The following DKC1 variants were observed in gnomAD, a reference collection of about 807,000 sequenced individuals.
DKC1 encodes H/ACA ribonucleoprotein complex subunit DKC1.
Under a neutral mutation model 46.7 loss-of-function variants are expected in DKC1, and 4 were observed. The ratio of observed to expected loss-of-function variants is 0.09; its 90% CI spans 0.04 to 0.20. The LOEUF (loss-of-function observed/expected upper bound fraction) is 0.20, where lower values mean the gene tolerates loss of function less well. Among genes scored for constraint, DKC1 ranks in the 10% least tolerant of loss-of-function variants. DKC1 has a pLI of 1.00. For synonymous variants in DKC1, 141 were observed against 142.4 expected, an observed-to-expected ratio of 0.99 and a Z score of 0.07; for missense variants, 171 against 404.2, an observed-to-expected ratio of 0.42 and a Z score of 4.95.
At chrX:154,768,679 T>C (rs1557264543) in intron 8 of DKC1, 2 of 463,627 alleles carry the variant, frequency 4.3e-6, no homozygotes, top group African/African-American at 4.8e-5. Context: ...TGGGGTCTAA[T>C]ACTTCAACGG....
Position 154,776,804 on chromosome X carries a change from T to C in DKC1, c.1482T>C (p.Ser494=), listed in dbSNP as rs2148518000. 1.7e-6 allele frequency: 2 copies of C among 1,207,403 alleles called. No homozygotes were observed. Among genetic ancestry groups the C allele is most frequent in the Non-Finnish European group, 2.2e-6 (2 of 892,860 alleles). ...TTCATTCTCTTTCTTTCTAGGACAGTGATACCACCAAGAAGAAGAAGAAGA... is the reference window on the plus strand; with the variant it reads ...TTCATTCTCTTTCTTTCTAGGACAGCGATACCACCAAGAAGAAGAAGAAGA... The part of the protein sequence containing the change: ...ESGAEPGDGD[S]DTTKKKKKKK... Residue 494 remains serine (S), a synonymous_variant, in exon 15 of 15, where the codon AGT becomes AGC. Coordinates refer to ENST00000369550, the MANE Select transcript of DKC1 (RefSeq NM_001363.5).
chrX:154,771,833 T>C (rs782303190), intron 10 of DKC1, among the ~76,000 whole-genome samples: 2 of 112,316 alleles, frequency 1.8e-5, no homozygotes, highest in East Asian at 5.6e-4. Flanking sequence ...TACTGTGATC[T>C]CTTTGATAAC....
Position 154,768,628 on chromosome X carries a change from T to G in DKC1, c.771+196T>G, listed in dbSNP as rs781911475. 7.1e-6 allele frequency: 4 copies of G among 567,066 alleles called. No individual in the cohort carries two copies. In the African/African-American group the frequency reaches 9.0e-5, roughly 13 times the overall value. 46.7% of individuals were successfully genotyped at this position (567,066 alleles called of 1,213,427 possible). ...AGGGAGATGATTGGGTAGAAAGTAT[T>G]ATTCTATTCATTTGCCTCCCAGCCT... On this transcript the variant is annotated intron_variant, in intron 8 of 14. Transcript: ENST00000369550.
In DKC1 at chrX:154,776,949, G is replaced by T; in HGVS notation, c.*82G>T. 1 of 854,019 alleles carries T rather than the reference G, an allele frequency of 1.2e-6. No individual in the cohort carries two copies. Among genetic ancestry groups the T allele is most frequent in the Non-Finnish European group, 1.7e-6 (1 of 594,645 alleles). The allele number at this position is 854,019 out of a possible 1,213,427, so 70.4% of individuals were successfully genotyped here. A position where few individuals can be genotyped will look rare whatever the true frequency, so the allele number is the denominator to read the frequency against. Reference sequence around the variant, plus strand: ...AGATCCTTTTGTTGCTGAGAGAGTGGAACATAGGTCCTAGACAGGGTGAAG... The same window carrying T: ...AGATCCTTTTGTTGCTGAGAGAGTGTAACATAGGTCCTAGACAGGGTGAAG... On this transcript the variant is annotated 3_prime_UTR_variant, in exon 15 of 15. Coordinates refer to ENST00000369550, the MANE Select transcript of DKC1 (RefSeq NM_001363.5).
intron 8 of DKC1, chrX:154,768,637 C>T (rs2071780741): frequency 5.5e-6 from 3 of 546,597 alleles, no homozygotes; most frequent in Non-Finnish European, 9.5e-6. Flanking sequence ...TTATTCTATT[C>T]ATTTGCCTCC....
intron 1 of DKC1, among the ~76,000 whole-genome samples, chrX:154,763,329 T>C (rs1443715306): frequency 8.9e-6 from 1 of 111,976 alleles, no homozygotes; most frequent in Non-Finnish European, 1.9e-5. Context: ...TACAGCTCCA[T>C]GCGACTAGGG....
At chrX:154,770,647 TC>T in intron 9 of DKC1, 111 bp from the exon 10 acceptor site, 1 of 1,045,463 alleles carries the variant, frequency 9.6e-7, no homozygotes, top group African/African-American at 1.8e-5. Context: ...ATAAGTGTCA[TC>T]CCTGTTTCCT....
At position 154,775,240 on chromosome X, in the gene DKC1, G is replaced by A. The variant is rs189466923; in HGVS notation, c.1305G>A (p.Pro435=). 5.4e-5 allele frequency: 65 copies of A among 1,210,633 alleles called. No individual in the cohort carries two copies. The East Asian group carries it at 1.3e-3, about 25-fold the overall frequency. Residue 435 remains proline (P), a synonymous_variant, in exon 13 of 15, where the codon CCG becomes CCA. Coordinates refer to ENST00000369550, the MANE Select transcript of DKC1 (RefSeq NM_001363.5). ...TGGTTGCTGAAGTGGTAAAAGCCCCGCAGGTAGTTGCCGAAGCAGCAAAAA... is the reference window on the plus strand; with the variant it reads ...TGGTTGCTGAAGTGGTAAAAGCCCCACAGGTAGTTGCCGAAGCAGCAAAAA... ...KEVVAEVVKA[P]QVVAEAAKTA...
At chrX:154,771,477 C>T (rs1336137464) in intron 10 of DKC1, among the ~76,000 whole-genome samples, 3 of 106,565 alleles carry the variant, frequency 2.8e-5, no homozygotes, top group African/African-American at 7.0e-5. Flanking sequence ...GCCACCATGC[C>T]GGGCCTGATT....
intron 13 of DKC1, 140 bp from the exon 14 acceptor site, chrX:154,776,046 CT>C: frequency 4.0e-6 from 3 of 758,762 alleles, no homozygotes; most frequent in Non-Finnish European, 6.1e-6. Context: ...AACTAAGGCC[CT>C]GTCCGGGTTT....
chrX:154,765,840 A>G, intron 3 of DKC1, 67 bp from the exon 4 acceptor site: 1 of 861,822 alleles, frequency 1.2e-6, no homozygotes. Context: ...ACATAGTGGT[A>G]CTGACTCTTT....
At position 154,766,640 on chromosome X, in the gene DKC1, C is replaced by G. The variant is rs782528131; in HGVS notation, c.448+240C>G. On this transcript the variant is annotated intron_variant, in intron 5 of 14. Coordinates refer to ENST00000369550, the MANE Select transcript of DKC1 (RefSeq NM_001363.5). Reference sequence around the variant, plus strand: ...CTGACTGGATCCATTTGTCCGGGTTCAGCTCTCAGCTTGTCACTCCAGGCT... The same window carrying G: ...CTGACTGGATCCATTTGTCCGGGTTGAGCTCTCAGCTTGTCACTCCAGGCT... 3 of 437,591 alleles carry G rather than the reference C, an allele frequency of 6.9e-6. No homozygotes were observed. In the East Asian group the frequency reaches 1.1e-4, roughly 17 times the overall value. The allele number at this position is 437,591 out of a possible 1,213,427, so 36.1% of individuals were successfully genotyped here.
intron 14 of DKC1, 101 bp downstream of exon 14, chrX:154,776,425 T>C: frequency 9.2e-7 from 1 of 1,085,076 alleles, no homozygotes; most frequent in Non-Finnish European, 1.2e-6. Context: ...TTGGAGGAGC[T>C]GTGGCCTGGG....
chrX:154,770,970 C>T (rs969413250), intron 10 of DKC1, 91 bp downstream of exon 10: 15 of 915,381 alleles, frequency 1.6e-5, no homozygotes, highest in Non-Finnish European at 2.4e-5. Flanking sequence ...TGTTTTGATA[C>T]AGGCATGCAA....
rs782097056 is a variant in DKC1 at position 154,777,155 on chromosome X, T to C, written c.*288T>C. The C allele has an allele frequency of 6.3e-5, 16 of 255,945 alleles. No homozygotes were observed. Among genetic ancestry groups the C allele is most frequent in the Non-Finnish European group, 7.8e-5 (11 of 141,582 alleles). The allele number at this position is 255,945 out of a possible 1,213,427, so 21.1% of individuals were successfully genotyped here. On this transcript the variant is annotated 3_prime_UTR_variant, in exon 15 of 15. Transcript: ENST00000369550. ...TTCAGACCCAGTAACTGTCCGCAGCTGTCTGCTAGTGGTTGTCTTAACATC... is the reference window on the plus strand; with the variant it reads ...TTCAGACCCAGTAACTGTCCGCAGCCGTCTGCTAGTGGTTGTCTTAACATC...
In DKC1 at chrX:154,762,904, C is replaced by G; in HGVS notation, c.-62C>G. 2 of 1,156,763 alleles carry G rather than the reference C, an allele frequency of 1.7e-6. No individual in the cohort carries two copies. The highest frequency in any genetic ancestry group is 1.2e-6 in the Non-Finnish European group (1 of 862,770). ...GCGCGGCCTGACGGGACCAAGGCGG[C>G]GGGAGTCTGCGGTCGTTCCCTCGGC... On this transcript the variant is annotated 5_prime_UTR_variant, in exon 1 of 15. Transcript: ENST00000369550.
chrX:154,776,327 G>C lies in DKC1; in HGVS notation c.1476+3G>C. The C allele has an allele frequency of 8.4e-7, 1 of 1,186,787 alleles. No individual in the cohort carries two copies. Among genetic ancestry groups the C allele is most frequent in the Non-Finnish European group, 1.1e-6 (1 of 882,427 alleles). ...GCGGGGCCGAGCCTGGAGATGGGGT[G>C]TGTGGAAACACGTTCAGGTTCCTTG... On this transcript the variant is annotated splice_donor_region_variant and intron_variant, in intron 14 of 14. Coordinates refer to ENST00000369550, the MANE Select transcript of DKC1 (RefSeq NM_001363.5).
Position 154,762,908 on chromosome X carries a change from A to G in DKC1, c.-58A>G, listed in dbSNP as rs1450645973. The G allele has an allele frequency of 7.8e-6, 9 of 1,160,456 alleles. No individual in the cohort carries two copies. The highest frequency in any genetic ancestry group is 5.7e-5 in the South Asian group (3 of 52,572). Reference sequence around the variant, plus strand: ...GGCCTGACGGGACCAAGGCGGCGGGAGTCTGCGGTCGTTCCCTCGGCTGTG... The same window carrying G: ...GGCCTGACGGGACCAAGGCGGCGGGGGTCTGCGGTCGTTCCCTCGGCTGTG... On this transcript the variant is annotated 5_prime_UTR_variant, in exon 1 of 15. Transcript: ENST00000369550.
chrX:154,765,965 A>G lies in DKC1; in HGVS notation c.230A>G (p.Asn77Ser). 8.3e-7 allele frequency: 1 copy of G among 1,208,156 alleles called. No individual in the cohort carries two copies. Reference protein sequence around the residue: ...THYTPLACGSNPLKREIGDYI... With the variant: ...THYTPLACGSSPLKREIGDYI... The stretch of plus-strand genomic sequence containing the variant: ...TATACACCTCTTGCATGTGGTTCAA[A>G]TCCTCTGAAGAGAGAGATTGGGGAC... Residue 77 changes from asparagine (N) to serine (S), a missense_variant, in exon 4 of 15, where the codon AAT (asparagine) becomes AGT (serine). Transcript: ENST00000369550.
Sources: allele counts gnomAD v4.1 joint callset (sites outside exome capture counted in the v4.1 genomes callset), GRCh38; gene constraint gnomAD v4.1.1; transcripts MANE v1.5; gene names NCBI Gene and HGNC (gene_info 2026-07-23, HGNC 2026-07-21).